Variants in PRPSAP1 observed in about 807,000 individuals in gnomAD.
PRPSAP1 encodes the protein phosphoribosyl pyrophosphate synthetase associated protein 1.
In PRPSAP1, 31 loss-of-function variants were observed where a neutral mutation model predicts 39.4. The observed-to-expected ratio is 0.79, with a 90% CI of 0.59 to 1.06. The LOEUF is 1.06. Ranked by LOEUF, PRPSAP1 falls within the 50% of genes least tolerant of loss-of-function variation. PRPSAP1 has a pLI of 0.00. For missense variants in PRPSAP1, 430 were observed against 511.6 expected, an observed-to-expected ratio of 0.84 and a Z score of 1.54; for synonymous variants, 212 against 192.6, an observed-to-expected ratio of 1.10 and a Z score of -0.83.
chr17:76,326,152 T>C (rs114513031), intron 7 of PRPSAP1, among the ~76,000 whole-genome samples: 2,634 of 152,108 alleles, frequency 0.017, 47 homozygotes, highest in African/African-American at 0.041. Context: ...CTGAATGAAA[T>C]AGGCCTATGA....
chr17:76,329,877 G>A (rs1157332284), intron 6 of PRPSAP1, among the ~76,000 whole-genome samples, 166 bp downstream of exon 6: 1 of 152,186 alleles, frequency 6.6e-6, no homozygotes, highest in East Asian at 1.9e-4. Flanking sequence ...TCTGGAGGCT[G>A]GAGATAAAGC....
At chr17:76,346,640 T>G (rs139932262) in intron 2 of PRPSAP1, among the ~76,000 whole-genome samples, 1 of 152,270 alleles carries the variant, frequency 6.6e-6, no homozygotes, top group East Asian at 1.9e-4. Flanking sequence ...TCATTTCACT[T>G]CCGGAAAGTC....
chr17:76,353,205 C>G (rs1156968046), intron 1 of PRPSAP1: 1 of 277,504 alleles, frequency 3.6e-6, no homozygotes, highest in Non-Finnish European at 6.8e-6. Context: ...AGCCCTGAGC[C>G]CCTTTCCCCA....
intron 1 of PRPSAP1, among the ~76,000 whole-genome samples, chr17:76,348,883 A>C (rs1320220406): frequency 6.6e-6 from 1 of 152,236 alleles, no homozygotes; most frequent in East Asian, 1.9e-4. Context: ...GGTTACAAGC[A>C]ATGATTTCAA....
At chr17:76,332,851 T>C (rs1464202681) in intron 3 of PRPSAP1, among the ~76,000 whole-genome samples, 1 of 152,114 alleles carries the variant, frequency 6.6e-6, no homozygotes, top group African/African-American at 2.4e-5. Context: ...ACAGAAAGAT[T>C]TGGTCTCTTT....
chr17:76,351,614 G>A (rs1351785705), intron 1 of PRPSAP1, among the ~76,000 whole-genome samples: 1 of 152,160 alleles, frequency 6.6e-6, no homozygotes, highest in Non-Finnish European at 1.5e-5. Context: ...TTGAACTTGG[G>A]ACGTGGAGGT....
chr17:76,318,079 A>C (rs2071143923), intron 7 of PRPSAP1, among the ~76,000 whole-genome samples: 1 of 152,198 alleles, frequency 6.6e-6, no homozygotes, highest in Non-Finnish European at 1.5e-5. Context: ...TGGTTGTGAC[A>C]ACCACAAACA....
intron 3 of PRPSAP1, among the ~76,000 whole-genome samples, chr17:76,341,122 A>ACTG (rs1259153799): frequency 6.6e-6 from 1 of 152,030 alleles, no homozygotes; most frequent in Non-Finnish European, 1.5e-5. Context: ...CCAGAGGAGA[A>ACTG]CTGCTCTGAT....
rs1290210004 is a variant in PRPSAP1 at position 76,311,323 on chromosome 17, G to A, written c.*219C>T. On this transcript the variant is annotated 3_prime_UTR_variant, in exon 10 of 10. Transcript: ENST00000446526. ...GCTAGAACTTTTAAGGAACAGGGCT[G>A]ATGACAGCAGACATGTAAGGCCATG... 7 of 451,194 alleles carry A rather than the reference G, an allele frequency of 1.6e-5. No homozygotes were observed. The highest frequency in any genetic ancestry group is 2.7e-5 in the Non-Finnish European group (7 of 259,238). 27.9% of individuals were successfully genotyped at this position (451,194 alleles called of 1,614,324 possible).
chr17:76,344,448 A>G (rs2071473933), intron 3 of PRPSAP1, among the ~76,000 whole-genome samples: 1 of 137,860 alleles, frequency 7.3e-6, no homozygotes, highest in Non-Finnish European at 1.6e-5. Context: ...TGTATTTTTA[A>G]CAGAGACAGG....
intron 3 of PRPSAP1, chr17:76,337,436 AAC>A (rs1567806153): frequency 1.3e-5 from 1 of 75,332 alleles, no homozygotes; most frequent in African/African-American, 5.2e-5. Flanking sequence ...CAACAACAAC[AAC>A]AACAACAACA....
At chr17:76,339,277 C>T (rs1013602451) in intron 3 of PRPSAP1, among the ~76,000 whole-genome samples, 8 of 150,320 alleles carry the variant, frequency 5.3e-5, no homozygotes, top group East Asian at 2.0e-4. Context: ...TGGTGGCACA[C>T]GCCTATAATC....
intron 7 of PRPSAP1, among the ~76,000 whole-genome samples, chr17:76,316,600 A>G (rs1196375537): frequency 6.6e-6 from 1 of 152,238 alleles, no homozygotes; most frequent in Non-Finnish European, 1.5e-5. Flanking sequence ...TACAAGGTCA[A>G]GAATAGAGTG....
At chr17:76,338,871 T>TA (rs1374545542) in intron 3 of PRPSAP1, among the ~76,000 whole-genome samples, 1 of 150,666 alleles carries the variant, frequency 6.6e-6, no homozygotes, top group African/African-American at 2.4e-5. Flanking sequence ...CCATCTCTAC[T>TA]AAAAATACAA....
chr17:76,311,831 G>T, intron 9 of PRPSAP1, 131 bp from the exon 10 acceptor site: 1 of 1,103,524 alleles, frequency 9.1e-7, no homozygotes, highest in Non-Finnish European at 1.3e-6. Context: ...GTTCCACCGA[G>T]TATAGTTTTT....
At chr17:76,345,700 T>C (rs1336133368) in intron 2 of PRPSAP1, 1 of 166,928 alleles carries the variant, frequency 6.0e-6, no homozygotes, top group East Asian at 1.9e-4. Context: ...TAAACCAACA[T>C]TTTATCTGGG....
intron 6 of PRPSAP1, among the ~76,000 whole-genome samples, chr17:76,329,726 A>G (rs1054561435): frequency 1.4e-5 from 2 of 147,626 alleles, no homozygotes; most frequent in Non-Finnish European, 3.0e-5. Flanking sequence ...ACAGAATGAA[A>G]CTCCATTTCA....
intron 7 of PRPSAP1, among the ~76,000 whole-genome samples, chr17:76,328,434 C>A (rs1387962616): frequency 1.3e-5 from 2 of 152,026 alleles, no homozygotes; most frequent in African/African-American, 4.8e-5. Flanking sequence ...CATGGTGAAA[C>A]CCTGTCTCTA....
At chr17:76,314,341 C>T (rs141838802) in intron 7 of PRPSAP1, 5,008 of 197,282 alleles carry the variant, frequency 0.025, 285 homozygotes, top group African/African-American at 0.11. Context: ...CTCAGCCTCC[C>T]GAGTAGCTGG....
Sources: allele counts gnomAD v4.1 joint callset (sites outside exome capture counted in the v4.1 genomes callset), GRCh38; gene constraint gnomAD v4.1.1; transcripts MANE v1.5; gene names NCBI Gene and HGNC (gene_info 2026-07-23, HGNC 2026-07-21).